The following MEGF11 variants were observed in gnomAD, a reference collection of about 807,000 sequenced individuals.
MEGF11 encodes the protein multiple EGF like domains 11.
A neutral mutation model predicts 146.6 loss-of-function variants in MEGF11; 126 were observed. The observed-to-expected ratio is 0.86, with a 90% confidence interval of 0.74 to 1.00. The LOEUF (loss-of-function observed/expected upper bound fraction) is 1.00, where lower values mean the gene tolerates loss of function less well. Ranked by LOEUF, MEGF11 falls within the 50% of genes least tolerant of loss-of-function variation. The probability of loss-of-function intolerance (pLI) is 0.00; values close to 1 mark genes in which losing one functional copy is unlikely to be tolerated. For missense variants in MEGF11, 1,509 were observed against 1,521.2 expected (o/e 0.99, Z 0.13); for synonymous variants, 532 against 583.4 (o/e 0.91, Z 1.27).
At chr15:65,956,010 A>T (rs143609692) in intron 10 of MEGF11, among the ~76,000 whole-genome samples, 119 of 151,874 alleles carry the variant, frequency 7.8e-4, no homozygotes, top group East Asian at 7.2e-3. Flanking sequence ...CTGGCTTTAA[A>T]AGACATTGTC....
At chr15:65,916,433 A>G (rs1004072512) in intron 17 of MEGF11, among the ~76,000 whole-genome samples, 157 bp from the exon 18 acceptor site, 3 of 152,122 alleles carry the variant, frequency 2.0e-5, no homozygotes, top group African/African-American at 2.4e-5. Flanking sequence ...CAGGATCTTC[A>G]TGCTGAAGTG....
chr15:66,049,628 A>G (rs1597029768), intron 5 of MEGF11, among the ~76,000 whole-genome samples: 1 of 152,302 alleles, frequency 6.6e-6, no homozygotes, highest in African/African-American at 2.4e-5. Context: ...CTTTCTGGAA[A>G]AGTGAGTGCC....
At chr15:66,147,277 G>T (rs2089409322) in intron 1 of MEGF11, among the ~76,000 whole-genome samples, 3 of 152,144 alleles carry the variant, frequency 2.0e-5, no homozygotes, top group Admixed American at 6.5e-5. Context: ...ACCTTACATG[G>T]TTGCGCAGCC....
chr15:66,242,679 C>T (rs369690743), intron 1 of MEGF11, among the ~76,000 whole-genome samples: 1 of 152,130 alleles, frequency 6.6e-6, no homozygotes, highest in Non-Finnish European at 1.5e-5. Flanking sequence ...CTGCACCATT[C>T]CCCTCTGCCC....
At chr15:66,150,657 G>GAA (rs1199495605) in intron 1 of MEGF11, among the ~76,000 whole-genome samples, 1 of 150,668 alleles carries the variant, frequency 6.6e-6, no homozygotes. Flanking sequence ...AGAAAGGAAG[G>GAA]GGTTCACCTG....
In MEGF11 at chr15:65,897,434, CTG is replaced by C. The variant is rs2078378710; in HGVS notation, c.*498_*499del. 6.6e-6 allele frequency: 1 copy of C among 152,258 alleles called. No homozygotes were observed. The highest frequency in any genetic ancestry group is 6.5e-5 in the Admixed American group (1 of 15,276). 9.4% of individuals were successfully genotyped at this position (152,258 alleles called of 1,614,324 possible). A position where few individuals can be genotyped will look rare whatever the true frequency, so the allele number is the denominator to read the frequency against. On this transcript the variant is annotated 3_prime_UTR_variant, in exon 26 of 26. Coordinates refer to ENST00000395614, the MANE Select transcript of MEGF11 (RefSeq NM_001385028.1). Reference sequence around the variant, plus strand: ...ACAGATATGTACAGACATTTTAAGACTGTTCTGTTTAAGAACAGTTCATGTCT... The same window carrying C: ...ACAGATATGTACAGACATTTTAAGACTTCTGTTTAAGAACAGTTCATGTCT...
At chr15:65,963,837 G>A (rs1248588196) in intron 9 of MEGF11, among the ~76,000 whole-genome samples, 1 of 152,196 alleles carries the variant, frequency 6.6e-6, no homozygotes, top group Non-Finnish European at 1.5e-5. Context: ...TTGCCGACAT[G>A]CCTCTGCTTG....
chr15:66,148,901 G>A (rs1010303983), intron 1 of MEGF11, among the ~76,000 whole-genome samples: 18 of 152,312 alleles, frequency 1.2e-4, no homozygotes, highest in African/African-American at 4.1e-4. Flanking sequence ...CTGATTCCTG[G>A]ACATGGCTCT....
intron 1 of MEGF11, among the ~76,000 whole-genome samples, chr15:66,136,261 G>A (rs931167772): frequency 9.2e-5 from 14 of 152,242 alleles, no homozygotes; most frequent in Non-Finnish European, 1.6e-4. Context: ...CAGTATTGCT[G>A]TCGTGGTCGG....
chr15:66,253,499 G>C (rs2092405694), intron 1 of MEGF11, 106 bp downstream of exon 1: 1 of 152,146 alleles, frequency 6.6e-6, no homozygotes, highest in African/African-American at 2.4e-5. Context: ...GTTAGTCGCG[G>C]GGCCTCAAAG....
At chr15:66,092,129 A>T (rs115990365) in intron 5 of MEGF11, among the ~76,000 whole-genome samples, 30,179 of 152,060 alleles carry the variant, frequency 0.2, 3,124 homozygotes, top group East Asian at 0.39. Flanking sequence ...AGTAGAAGCT[A>T]AAAGGTAGAT....
chr15:66,219,026 T>G (rs1451796356), intron 1 of MEGF11, among the ~76,000 whole-genome samples: 2 of 121,888 alleles, frequency 1.6e-5, no homozygotes, highest in Non-Finnish European at 3.3e-5. Flanking sequence ...TACATATAGA[T>G]AGAGATAGAG....
chr15:66,148,060 C>A (rs2089438437), intron 1 of MEGF11, among the ~76,000 whole-genome samples: 2 of 152,084 alleles, frequency 1.3e-5, no homozygotes, highest in African/African-American at 4.8e-5. Context: ...AAGGCCGAAG[C>A]CATCTAGTAC....
chr15:66,011,306 C>T (rs533940679), intron 5 of MEGF11, among the ~76,000 whole-genome samples: 44 of 152,120 alleles, frequency 2.9e-4, no homozygotes, highest in Non-Finnish European at 5.1e-4. Flanking sequence ...GGCCAGGGAA[C>T]CAGGAGGCCT....
intron 1 of MEGF11, among the ~76,000 whole-genome samples, chr15:66,243,602 G>A (rs1001456657): frequency 6.6e-6 from 1 of 152,206 alleles, no homozygotes; most frequent in Non-Finnish European, 1.5e-5. Context: ...TAGGGCCTCA[G>A]ACTCCCTTTC....
chr15:65,974,948 C>T (rs1365733176), intron 7 of MEGF11, among the ~76,000 whole-genome samples: 2 of 151,934 alleles, frequency 1.3e-5, no homozygotes, highest in East Asian at 3.9e-4. Context: ...TGAGTTCAAG[C>T]GATTATCCCA....
chr15:65,984,525 C>CAAAAAAAAA lies in MEGF11; in HGVS notation c.395-2046_395-2038dup, dbSNP rs35017296. 8.1e-5 allele frequency among the ~76,000 whole-genome samples: 4 copies of CAAAAAAAAA among 49,518 alleles called. 1 individual carries two copies. Among genetic ancestry groups the CAAAAAAAAA allele is most frequent in the African/African-American group, 2.6e-4 (3 of 11,372 alleles). 32.5% of individuals were successfully genotyped at this position (49,518 alleles called of 152,430 possible). ...TGGGCGATAGAGCAAGACTCCGTGT[C>CAAAAAAAAA]AAAAAAAAAAAAAAAAAAAAAAAAA... is the stretch of plus-strand genomic sequence containing the variant. On this transcript the variant is annotated intron_variant, in intron 5 of 25. Transcript: ENST00000395614.
intron 5 of MEGF11, among the ~76,000 whole-genome samples, chr15:66,047,635 C>T (rs1944807980): frequency 6.6e-6 from 1 of 152,210 alleles, no homozygotes; most frequent in Admixed American, 6.5e-5. Flanking sequence ...TGTTTTTAAT[C>T]CCTTTTTCCC....
intron 1 of MEGF11, among the ~76,000 whole-genome samples, chr15:66,253,240 G>T (rs935293093): frequency 6.6e-6 from 1 of 152,186 alleles, no homozygotes; most frequent in Non-Finnish European, 1.5e-5. Flanking sequence ...GGGGGCGGAC[G>T]GGCGCCCTCC....
Sources: allele counts gnomAD v4.1 joint callset (sites outside exome capture counted in the v4.1 genomes callset), GRCh38; gene constraint gnomAD v4.1.1; transcripts MANE v1.5; gene names NCBI Gene and HGNC (gene_info 2026-07-23, HGNC 2026-07-21).